CAMK1D: variants seen among roughly 807,000 people sequenced by gnomAD.
CAMK1D encodes the protein calcium/calmodulin dependent protein kinase ID.
CAMK1D carries 9 observed loss-of-function variants against 47.7 expected under a neutral mutation model. That is an observed-to-expected ratio of 0.19 (90% CI 0.11 to 0.33). CAMK1D has a LOEUF of 0.33. Among genes scored for constraint, CAMK1D ranks in the 10% least tolerant of loss-of-function variants. The probability of loss-of-function intolerance (pLI) is 1.00; values close to 1 mark genes in which losing one functional copy is unlikely to be tolerated. For synonymous variants in CAMK1D, 184 were observed against 184.9 expected, an observed-to-expected ratio of 0.99 and a Z score of 0.04; for missense variants, 291 against 488.7, an observed-to-expected ratio of 0.60 and a Z score of 3.81.
intron 1 of CAMK1D, among the ~76,000 whole-genome samples, chr10:12,413,802 T>A (rs1337140958): frequency 6.6e-6 from 1 of 152,186 alleles, no homozygotes; most frequent in Non-Finnish European, 1.5e-5. Flanking sequence ...GTTAGCCATA[T>A]TTTCACAGTT....
intron 5 of CAMK1D, among the ~76,000 whole-genome samples, chr10:12,779,783 T>G (rs1285641897): frequency 6.8e-6 from 1 of 146,124 alleles, no homozygotes; most frequent in Non-Finnish European, 1.5e-5. Context: ...CTAGCAGTAT[T>G]TTATGTGGAG....
At chr10:12,672,007 T>C (rs6602607) in intron 3 of CAMK1D, among the ~76,000 whole-genome samples, 131,876 of 150,062 alleles carry the variant, frequency 0.88, 58,164 homozygotes, top group Non-Finnish European at 0.92. Context: ...GCTGTGCCTC[T>C]CCGGTTCATG....
chr10:12,663,092 C>A (rs1840324373), intron 2 of CAMK1D, among the ~76,000 whole-genome samples: 1 of 152,114 alleles, frequency 6.6e-6, no homozygotes, highest in South Asian at 2.1e-4. Context: ...CTCTGAGTAG[C>A]TGGGATTACA....
At chr10:12,787,004 T>A (rs1395874237) in intron 5 of CAMK1D, among the ~76,000 whole-genome samples, 1 of 152,116 alleles carries the variant, frequency 6.6e-6, no homozygotes, top group Non-Finnish European at 1.5e-5. Context: ...ACATATGTAA[T>A]CCCAGCTGCT....
In CAMK1D at chr10:12,798,585, A is replaced by C. The variant is rs560219294; in HGVS notation, c.641+7352A>C. 2.0e-5 allele frequency among the ~76,000 whole-genome samples: 3 copies of C among 152,330 alleles called. No individual in the cohort carries two copies. The South Asian group carries it at 6.2e-4, about 32-fold the overall frequency. On this transcript the variant is annotated intron_variant, in intron 6 of 10. Coordinates refer to ENST00000619168, the MANE Select transcript of CAMK1D (RefSeq NM_153498.4). ...GGTGAGAATCTGCCAGGAGAGAGCT[A>C]GTCCAGGCTGCGGGAAGAGCTCTGT...
At chr10:12,396,651 T>C (rs569167368) in intron 1 of CAMK1D, among the ~76,000 whole-genome samples, 39 of 152,354 alleles carry the variant, frequency 2.6e-4, no homozygotes, top group Middle Eastern at 3.4e-3. Flanking sequence ...GAAATTGGCT[T>C]AAACAAGCAC....
intron 1 of CAMK1D, among the ~76,000 whole-genome samples, chr10:12,413,564 ATG>A (rs2131948897): frequency 6.6e-6 from 1 of 151,042 alleles, no homozygotes; most frequent in Non-Finnish European, 1.5e-5. Context: ...AATGATGATG[ATG>A]ACATTGGGGA....
intron 1 of CAMK1D, among the ~76,000 whole-genome samples, chr10:12,512,375 G>A (rs537878958): frequency 1.3e-5 from 2 of 152,232 alleles, no homozygotes; most frequent in African/African-American, 2.4e-5. Flanking sequence ...TCCATCACCA[G>A]CAAAAACCTG....
intron 5 of CAMK1D, among the ~76,000 whole-genome samples, chr10:12,771,419 G>A (rs1476738937): frequency 3.3e-5 from 5 of 152,228 alleles, no homozygotes; most frequent in Non-Finnish European, 7.3e-5. Context: ...GGGGTATTGT[G>A]GGAAACTCCA....
intron 8 of CAMK1D, among the ~76,000 whole-genome samples, chr10:12,817,036 AAG>A (rs1323691611): frequency 6.6e-6 from 1 of 152,118 alleles, no homozygotes; most frequent in Admixed American, 6.6e-5. Flanking sequence ...AGCAGGCAAA[AAG>A]AGAGAGCTTG....
intron 1 of CAMK1D, among the ~76,000 whole-genome samples, chr10:12,498,352 G>A (rs1834603139): frequency 6.6e-6 from 1 of 152,212 alleles, no homozygotes; most frequent in Admixed American, 6.5e-5. Context: ...CATTTGTTCT[G>A]TGACTGAGAT....
intron 3 of CAMK1D, chr10:12,725,353 T>C (rs768387310): frequency 2.6e-5 from 4 of 155,974 alleles, no homozygotes; most frequent in East Asian, 1.9e-4. Context: ...CAGCCTAATA[T>C]ATTCTTACGT....
Position 12,386,215 on chromosome 10 carries a change from G to T in CAMK1D, c.92+36305G>T, listed in dbSNP as rs531340361. On this transcript the variant is annotated intron_variant, in intron 1 of 10. Transcript: ENST00000619168. ...GCACTTTGGTAGGCCAAGGTGGACC[G>T]ATTGCTTGAGCTCAGAAGTTCAAGA... Among the ~76,000 whole-genome samples, 9 of 152,310 alleles carry T rather than the reference G, an allele frequency of 5.9e-5. No homozygotes were observed. The East Asian group carries it at 1.7e-3, about 29-fold the overall frequency.
chr10:12,474,370 T>A (rs773086768), intron 1 of CAMK1D, among the ~76,000 whole-genome samples: 19 of 152,068 alleles, frequency 1.2e-4, no homozygotes, highest in Non-Finnish European at 2.2e-4. Context: ...TTTTTATGTA[T>A]TTTTAGTAGA....
At chr10:12,510,945 G>C (rs1835022368) in intron 1 of CAMK1D, among the ~76,000 whole-genome samples, 1 of 152,192 alleles carries the variant, frequency 6.6e-6, no homozygotes, top group Non-Finnish European at 1.5e-5. Flanking sequence ...CTGGAGGAGG[G>C]AAAGGACTCG....
intron 2 of CAMK1D, among the ~76,000 whole-genome samples, chr10:12,609,208 GT>G (rs1838552860): frequency 6.6e-6 from 1 of 152,172 alleles, no homozygotes. Flanking sequence ...GACACATTCA[GT>G]GACCAAAGAG....
intron 1 of CAMK1D, among the ~76,000 whole-genome samples, chr10:12,506,725 A>G (rs1834885808): frequency 6.6e-6 from 1 of 151,154 alleles, no homozygotes; most frequent in Non-Finnish European, 1.5e-5. Context: ...TCACCGTGCT[A>G]CCCGGGATGG....
chr10:12,737,322 C>A (rs1054191772), intron 3 of CAMK1D, among the ~76,000 whole-genome samples: 1 of 152,108 alleles, frequency 6.6e-6, no homozygotes, highest in African/African-American at 2.4e-5. Context: ...CTAACCTGTG[C>A]TTCATACCAG....
intron 1 of CAMK1D, among the ~76,000 whole-genome samples, chr10:12,477,531 C>G (rs1833937324): frequency 1.3e-5 from 2 of 152,208 alleles, no homozygotes; most frequent in African/African-American, 4.8e-5. Flanking sequence ...TGGTCCCATT[C>G]TACTCTCTTC....
Sources: gnomAD v4.1 joint callset for allele counts (sites outside exome capture counted in the v4.1 genomes callset) on GRCh38, gnomAD v4.1.1 for gene constraint, MANE v1.5 for transcripts, NCBI Gene and HGNC (gene_info 2026-07-23, HGNC 2026-07-21) for gene names.